FSHR: variants seen among roughly 807,000 people sequenced by gnomAD.
FSHR encodes the protein follicle stimulating hormone receptor, also known as follicle-stimulating hormone receptor.
A neutral mutation model predicts 52.1 loss-of-function variants in FSHR; 46 were observed. The ratio of observed to expected loss-of-function variants is 0.88; its 90% CI spans 0.70 to 1.13. FSHR has a LOEUF of 1.13. Among genes scored for constraint, FSHR ranks in the 50% most tolerant of loss-of-function variants. FSHR has a pLI of 0.00. For synonymous variants in FSHR, 399 were observed against 309.6 expected, an observed-to-expected ratio of 1.29 and a Z score of -3.03; for missense variants, 964 against 834.6, an observed-to-expected ratio of 1.16 and a Z score of -1.91.
chr2:48,986,295 C>A (rs771801802), intron 6 of FSHR, among the ~76,000 whole-genome samples: 1 of 151,848 alleles, frequency 6.6e-6, no homozygotes, highest in Non-Finnish European at 1.5e-5. Context: ...CTGCAAAGGG[C>A]ATGATCTTGT....
chr2:49,057,360 C>A (rs920011235), intron 2 of FSHR, among the ~76,000 whole-genome samples: 1 of 151,930 alleles, frequency 6.6e-6, no homozygotes, highest in South Asian at 2.1e-4. Context: ...AGTAACATTA[C>A]AATGTTTACT....
intron 1 of FSHR, among the ~76,000 whole-genome samples, chr2:49,103,650 C>A (rs985545399): frequency 6.6e-6 from 1 of 152,072 alleles, no homozygotes; most frequent in Non-Finnish European, 1.5e-5. Context: ...GAGGACCTAT[C>A]CCTATCTTTT....
At chr2:49,001,966 G>A (rs150654030) in intron 4 of FSHR, among the ~76,000 whole-genome samples, 22 of 152,228 alleles carry the variant, frequency 1.4e-4, no homozygotes, top group African/African-American at 4.6e-4. Flanking sequence ...TGAACAGAAT[G>A]CTTAGTTCAG....
At chr2:49,046,299 G>T (rs562044225) in intron 2 of FSHR, among the ~76,000 whole-genome samples, 2 of 152,240 alleles carry the variant, frequency 1.3e-5, no homozygotes, top group South Asian at 4.1e-4. Context: ...AGGGAGCAAG[G>T]TTATCATTGT....
At position 49,145,567 on chromosome 2, in the gene FSHR, A is replaced by G. The variant is rs1477727998; in HGVS notation, c.152+8699T>C. Among the ~76,000 whole-genome samples, 7 of 152,208 alleles carry G rather than the reference A, an allele frequency of 4.6e-5. No homozygotes were observed. In the East Asian group the frequency reaches 1.4e-3, roughly 29 times the overall value. ...CCATTCCTTCTAGCTCTCACAATCT[A>G]TGATTTCAGATTGCACAAAGCAACA... is the stretch of plus-strand genomic sequence containing the variant. On this transcript the variant is annotated intron_variant, in intron 1 of 9. Transcript: ENST00000406846.
chr2:49,150,837 A>G (rs1023216762), intron 1 of FSHR, among the ~76,000 whole-genome samples: 1 of 151,970 alleles, frequency 6.6e-6, no homozygotes, highest in Non-Finnish European at 1.5e-5. Flanking sequence ...AGAAGTGGGC[A>G]ATACATAGTC....
intron 1 of FSHR, among the ~76,000 whole-genome samples, chr2:49,085,549 G>A (rs1040561346): frequency 6.6e-6 from 1 of 152,084 alleles, no homozygotes; most frequent in Non-Finnish European, 1.5e-5. Flanking sequence ...GAATAGGTGT[G>A]GTGTGGTGAT....
intron 8 of FSHR, among the ~76,000 whole-genome samples, chr2:48,979,530 C>A (rs1675148413): frequency 6.6e-6 from 1 of 152,190 alleles, no homozygotes; most frequent in South Asian, 2.1e-4. Context: ...GCCGAGTCTA[C>A]TCTGGGAATT....
rs1435419660 is a variant in FSHR, at chr2:48,962,333, C to T, written c.*400G>A. ...GGAATACCTAATCCTGGCTCTGCCT[C>T]TTACAAACTAAACAATTTTGAACAA... On this transcript the variant is annotated 3_prime_UTR_variant, in exon 10 of 10. Coordinates refer to ENST00000406846, the MANE Select transcript of FSHR (RefSeq NM_000145.4). 4.1e-6 allele frequency: 1 copy of T among 244,846 alleles called. No individual in the cohort carries two copies. Among genetic ancestry groups the T allele is most frequent in the African/African-American group, 2.3e-5 (1 of 43,398 alleles). The allele number at this position is 244,846 out of a possible 1,614,324, so 15.2% of individuals were successfully genotyped here. A position where few individuals can be genotyped will look rare whatever the true frequency, so the allele number is the denominator to read the frequency against.
chr2:49,031,463 C>T lies in FSHR; in HGVS notation c.225-11303G>A, dbSNP rs554252179. ...TCCTAGATTTATTTTCCTACACATGCCCCCTTTCCCTTTTTTCAACACGTA... is the reference window on the plus strand; with the variant it reads ...TCCTAGATTTATTTTCCTACACATGTCCCCTTTCCCTTTTTTCAACACGTA... On this transcript the variant is annotated intron_variant, in intron 2 of 9. Coordinates refer to ENST00000406846, the MANE Select transcript of FSHR (RefSeq NM_000145.4). Among the ~76,000 whole-genome samples the T allele has an allele frequency of 2.4e-4, 36 of 152,234 alleles. No individual in the cohort carries two copies. The South Asian group carries it at 7.3e-3, about 31-fold the overall frequency.
chr2:49,068,175 T>C, intron 2 of FSHR, 44 bp downstream of exon 2: 1 of 1,489,734 alleles, frequency 6.7e-7, no homozygotes, highest in South Asian at 1.1e-5. Context: ...TTGCTCCCTA[T>C]AGCCCCCTTG....
chr2:49,119,972 C>G (rs1349373200), intron 1 of FSHR, among the ~76,000 whole-genome samples: 1 of 152,076 alleles, frequency 6.6e-6, no homozygotes, highest in Non-Finnish European at 1.5e-5. Context: ...TATGACGGCT[C>G]TTTAAAGTGG....
At chr2:49,075,988 T>C (rs1205131958) in intron 1 of FSHR, among the ~76,000 whole-genome samples, 6 of 152,142 alleles carry the variant, frequency 3.9e-5, no homozygotes, top group Non-Finnish European at 7.3e-5. Flanking sequence ...TTTACAGAAA[T>C]ATATGCTTAC....
At chr2:49,062,385 C>G (rs1222594821) in intron 2 of FSHR, among the ~76,000 whole-genome samples, 1 of 152,018 alleles carries the variant, frequency 6.6e-6, no homozygotes, top group African/African-American at 2.4e-5. Flanking sequence ...AACTGGATAT[C>G]TATATTTCAC....
chr2:48,971,486 T>C (rs571428249), intron 8 of FSHR, among the ~76,000 whole-genome samples: 13 of 152,314 alleles, frequency 8.5e-5, no homozygotes, highest in South Asian at 8.3e-4. Flanking sequence ...GTGGTTACTA[T>C]TGCCAATCTC....
At chr2:49,049,128 T>G (rs1393932030) in intron 2 of FSHR, among the ~76,000 whole-genome samples, 1 of 152,048 alleles carries the variant, frequency 6.6e-6, no homozygotes, top group Non-Finnish European at 1.5e-5. Flanking sequence ...ACTCGAGTAT[T>G]ATGCTGCCTT....
chr2:49,003,493 C>A (rs1225504361), intron 4 of FSHR, among the ~76,000 whole-genome samples: 1 of 152,072 alleles, frequency 6.6e-6, no homozygotes, highest in Non-Finnish European at 1.5e-5. Context: ...AACGTCCTTC[C>A]CAGAAGGATA....
At chr2:49,129,121 A>C (rs530195580) in intron 1 of FSHR, among the ~76,000 whole-genome samples, 1 of 150,588 alleles carries the variant, frequency 6.6e-6, no homozygotes, top group South Asian at 2.1e-4. Flanking sequence ...TGTTTTCACT[A>C]TCTCTTTCCC....
intron 2 of FSHR, among the ~76,000 whole-genome samples, chr2:49,063,124 A>G (rs1669374273): frequency 1.3e-5 from 2 of 152,260 alleles, no homozygotes; most frequent in East Asian, 1.9e-4. Context: ...AATGCCCAGG[A>G]GGTGGTACCA....
Sources: gnomAD v4.1 joint callset for allele counts (sites outside exome capture counted in the v4.1 genomes callset) on GRCh38, gnomAD v4.1.1 for gene constraint, MANE v1.5 for transcripts, NCBI Gene and HGNC (gene_info 2026-07-23, HGNC 2026-07-21) for gene names.